Variants in COL24A1 observed in about 807,000 individuals in gnomAD.
COL24A1 encodes collagen type XXIV alpha 1 chain, also known as collagen alpha-1(XXIV) chain.
COL24A1 carries 224 observed loss-of-function variants against 253.9 expected under a neutral mutation model. That is an observed-to-expected ratio of 0.88 (90% CI 0.79 to 0.99). The LOEUF is 0.99. Among genes scored for constraint, COL24A1 ranks in the 50% least tolerant of loss-of-function variants. The pLI is 0.00. For missense variants in COL24A1, 2,131 were observed against 2,068.5 expected, an observed-to-expected ratio of 1.03 and a Z score of -0.59; for synonymous variants, 685 against 673.7, an observed-to-expected ratio of 1.02 and a Z score of -0.26.
chr1:86,079,303 C>G (rs1411834725), intron 7 of COL24A1, among the ~76,000 whole-genome samples: 1 of 152,110 alleles, frequency 6.6e-6, no homozygotes, highest in Non-Finnish European at 1.5e-5. Context: ...AAAATCAATT[C>G]AAAATAGATT....
intron 57 of COL24A1, among the ~76,000 whole-genome samples, chr1:85,740,605 A>T (rs1400862586): frequency 6.6e-6 from 1 of 151,936 alleles, no homozygotes; most frequent in Non-Finnish European, 1.5e-5. Flanking sequence ...CCACAGGCAC[A>T]TTCCACCATG....
At chr1:86,093,526 C>T (rs61802175) in intron 5 of COL24A1, among the ~76,000 whole-genome samples, 34,184 of 151,924 alleles carry the variant, frequency 0.23, 4,882 homozygotes, top group Non-Finnish European at 0.3. Flanking sequence ...AAACCCAAAA[C>T]TATAAAAACC....
In COL24A1 at chr1:86,146,236, C is replaced by G. The variant is rs927912063; in HGVS notation, c.57-53G>C. 5.7e-6 allele frequency: 8 copies of G among 1,403,976 alleles called. No individual in the cohort carries two copies. The African/African-American group carries it at 1.1e-4, about 20-fold the overall frequency. 87.0% of individuals were successfully genotyped at this position (1,403,976 alleles called of 1,614,324 possible). A position where few individuals can be genotyped will look rare whatever the true frequency, so the allele number is the denominator to read the frequency against. On this transcript the variant is annotated intron_variant, in intron 1 of 59. Coordinates refer to ENST00000370571, the MANE Select transcript of COL24A1 (RefSeq NM_152890.7). ...AAACTTACTAGTTGGACATTTACAA[C>G]CATATAGAATCCAAAACAGTCTATG...
chr1:86,020,821 T>G (rs2101319565), intron 18 of COL24A1, among the ~76,000 whole-genome samples: 1 of 152,304 alleles, frequency 6.6e-6, no homozygotes, highest in East Asian at 1.9e-4. Flanking sequence ...AGTTGTTTGT[T>G]AGCTTCATGA....
chr1:85,832,485 G>A (rs1413452430), intron 43 of COL24A1, among the ~76,000 whole-genome samples: 1 of 151,132 alleles, frequency 6.6e-6, no homozygotes, highest in East Asian at 1.9e-4. Context: ...AGCTTGATGG[G>A]GATGGCATTG....
chr1:85,771,369 G>C (rs1323513016), intron 53 of COL24A1, among the ~76,000 whole-genome samples: 1 of 152,058 alleles, frequency 6.6e-6, no homozygotes, highest in Non-Finnish European at 1.5e-5. Context: ...TTCTGATCTT[G>C]TGATAGTTTG....
At chr1:85,748,582 C>G (rs564193969) in intron 55 of COL24A1, among the ~76,000 whole-genome samples, 5 of 151,002 alleles carry the variant, frequency 3.3e-5, no homozygotes, top group Admixed American at 2.0e-4. Flanking sequence ...GCGTGAGCCA[C>G]GCAGAAGACG....
intron 20 of COL24A1, among the ~76,000 whole-genome samples, chr1:85,979,601 C>A (rs2100844701): frequency 6.6e-6 from 1 of 151,948 alleles, no homozygotes; most frequent in East Asian, 1.9e-4. Flanking sequence ...GTATAAATTT[C>A]TGGAAGTATA....
At chr1:86,099,630 A>G (rs951840941) in intron 5 of COL24A1, among the ~76,000 whole-genome samples, 1 of 152,152 alleles carries the variant, frequency 6.6e-6, no homozygotes, top group Non-Finnish European at 1.5e-5. Flanking sequence ...TTCACACTAT[A>G]TATGTAATCT....
At chr1:85,922,308 A>T (rs951073006) in intron 24 of COL24A1, among the ~76,000 whole-genome samples, 1 of 152,230 alleles carries the variant, frequency 6.6e-6, no homozygotes, top group African/African-American at 2.4e-5. Context: ...AATTCAGGAA[A>T]TACAGAGAAT....
intron 24 of COL24A1, among the ~76,000 whole-genome samples, chr1:85,941,496 G>T (rs1408508761): frequency 6.6e-6 from 1 of 152,008 alleles, no homozygotes; most frequent in Non-Finnish European, 1.5e-5. Flanking sequence ...AAAAAGGATG[G>T]GCTAGATAAT....
chr1:86,033,863 T>A lies in COL24A1; in HGVS notation c.2004+7A>T. ...AATGCAAGGCTGAACCAACATAATGTACTCACAGGACTGCCATCAAGACCA... is the reference window on the plus strand; with the variant it reads ...AATGCAAGGCTGAACCAACATAATGAACTCACAGGACTGCCATCAAGACCA... On this transcript the variant is annotated splice_region_variant and intron_variant, in intron 13 of 59. Coordinates refer to ENST00000370571, the MANE Select transcript of COL24A1 (RefSeq NM_152890.7). The A allele has an allele frequency of 6.2e-7, 1 of 1,603,930 alleles. No homozygotes were observed. Among genetic ancestry groups the A allele is most frequent in the South Asian group, 1.1e-5 (1 of 88,800 alleles).
intron 32 of COL24A1, among the ~76,000 whole-genome samples, chr1:85,878,561 T>C (rs1422477699): frequency 6.6e-6 from 1 of 152,240 alleles, no homozygotes; most frequent in East Asian, 1.9e-4. Flanking sequence ...CAGGTTTTTG[T>C]GTGGACATAA....
intron 24 of COL24A1, among the ~76,000 whole-genome samples, chr1:85,939,221 G>C (rs1466729097): frequency 6.6e-6 from 1 of 152,058 alleles, no homozygotes; most frequent in African/African-American, 2.4e-5. Flanking sequence ...AACTAAGATA[G>C]AATCTCTTCT....
chr1:86,146,045 G>T, intron 2 of COL24A1, 74 bp downstream of exon 2: 1 of 1,205,576 alleles, frequency 8.3e-7, no homozygotes, highest in Non-Finnish European at 1.2e-6. Flanking sequence ...ATAATGAGTT[G>T]AAAGTTATGT....
chr1:86,089,254 G>A (rs781066917), intron 6 of COL24A1, 27 bp from the exon 7 acceptor site: 3 of 1,537,412 alleles, frequency 2.0e-6, no homozygotes, highest in Non-Finnish European at 1.7e-6. Flanking sequence ...GACGTTTAAT[G>A]TCATGAAAGA....
rs747097992 is a variant in COL24A1, at chr1:85,795,246, G to GA, written c.3952-8786dup. On this transcript the variant is annotated intron_variant, in intron 47 of 59. Transcript: ENST00000370571. ...GAACTGAATGGAAAGATCTGGGAAG[G>GA]AAAATGGTGCTATATGCACACATTT... Among the ~76,000 whole-genome samples, 13 of 152,226 alleles carry GA rather than the reference G, an allele frequency of 8.5e-5. No individual in the cohort carries two copies. The East Asian group carries it at 2.3e-3, about 27-fold the overall frequency.
rs1170230275 is a variant in COL24A1, at chr1:85,849,353, CT to C, written c.3353del (p.Lys1118ArgfsTer7). The C allele has an allele frequency of 1.9e-6, 3 of 1,611,194 alleles. No individual in the cohort carries two copies. Among genetic ancestry groups the C allele is most frequent in the Non-Finnish European group, 2.5e-6 (3 of 1,178,204 alleles). ...IPGQRGRPGKKGDKGQIGPTG... is the reference protein window; with the variant it reads ...IPGQRGRPGKXGDKGQIGPTG... The stretch of plus-strand genomic sequence containing the variant: ...TGCATAAGAAGATGTAAAAAATTAC[CT>C]TTTTTCCTGGACGACCTCTTTGCCC... On this transcript the variant is annotated frameshift_variant and splice_region_variant, in exon 38 of 60. Transcript: ENST00000370571. LOFTEE classifies it high-confidence loss of function.
At chr1:85,734,705 T>C in intron 59 of COL24A1, 44 bp downstream of exon 59, 1 of 1,515,758 alleles carries the variant, frequency 6.6e-7, no homozygotes, top group South Asian at 1.1e-5. Context: ...TTATCAATTT[T>C]AAGTTAGTTA....
Sources: gnomAD v4.1 joint callset for allele counts (sites outside exome capture counted in the v4.1 genomes callset) on GRCh38, gnomAD v4.1.1 for gene constraint, MANE v1.5 for transcripts, NCBI Gene and HGNC (gene_info 2026-07-23, HGNC 2026-07-21) for gene names.